Variants in STMN4 observed in about 807,000 individuals in gnomAD.
The protein encoded by STMN4 is stathmin 4, also known as stathmin-4.
A neutral mutation model predicts 29.1 loss-of-function variants in STMN4; 12 were observed. That is an observed-to-expected ratio of 0.41 (90% CI 0.26 to 0.67). The LOEUF is 0.67. Among genes scored for constraint, STMN4 ranks in the 30% least tolerant of loss-of-function variants. The pLI is 0.30. For missense variants in STMN4, 181 were observed against 262.8 expected (o/e 0.69, Z 2.15); for synonymous variants, 114 against 105.3 (o/e 1.08, Z -0.51).
At position 27,235,535 on chromosome 8, in the gene STMN4, A is replaced by G. The variant is rs1801291567; in HGVS notation, c.*1311T>C. On this transcript the variant is annotated 3_prime_UTR_variant, in exon 7 of 7. Coordinates refer to ENST00000350889, the MANE Select transcript of STMN4 (RefSeq NM_030795.4). ...CTGGATGCCTCCTTTGCCTTCTACT[A>G]GCAAACACTTTATTTCCTTGCTCGT... is the stretch of plus-strand genomic sequence containing the variant. The G allele has an allele frequency of 2.0e-5, 3 of 152,214 alleles. No homozygotes were observed. The highest frequency in any genetic ancestry group is 6.5e-5 in the Admixed American group (1 of 15,282). The allele number at this position is 152,214 out of a possible 1,614,324, so 9.4% of individuals were successfully genotyped here.
Position 27,240,799 on chromosome 8 carries a change from C to A in STMN4, c.399+255G>T, listed in dbSNP as rs186271127. Among the ~76,000 whole-genome samples the A allele has an allele frequency of 1.4e-4, 21 of 152,300 alleles. 1 individual carries two copies. The highest frequency in any genetic ancestry group is 5.9e-4 in the Admixed American group (9 of 15,298). ...TGTCAGTCTTATTTTTGCCACCATG[C>A]ATATAGGGCCACCTCTTGGAGGAAC... On this transcript the variant is annotated intron_variant, in intron 5 of 6. Transcript: ENST00000350889.
chr8:27,253,196 T>C (rs928502611), intron 1 of STMN4, among the ~76,000 whole-genome samples: 8 of 152,264 alleles, frequency 5.3e-5, no homozygotes, highest in Admixed American at 2.6e-4. Context: ...GCCAAGCTTC[T>C]GGCCCACATT....
In STMN4 at chr8:27,236,729, C is replaced by T. The variant is rs773847801; in HGVS notation, c.*117G>A. ...CAAAAGCAGAGGAAACGCCCCTTGG[C>T]CACCCCCCTCCCCCCAAACCCCAGT... On this transcript the variant is annotated 3_prime_UTR_variant, in exon 7 of 7. Transcript: ENST00000350889. 5 of 898,520 alleles carry T rather than the reference C, an allele frequency of 5.6e-6. No individual in the cohort carries two copies. The highest frequency in any genetic ancestry group is 8.0e-6 in the Non-Finnish European group (5 of 624,368). 55.7% of individuals were successfully genotyped at this position (898,520 alleles called of 1,614,324 possible). A position where few individuals can be genotyped will look rare whatever the true frequency, so the allele number is the denominator to read the frequency against.
chr8:27,254,020 C>G (rs932343092), intron 1 of STMN4, among the ~76,000 whole-genome samples: 1 of 152,124 alleles, frequency 6.6e-6, no homozygotes, highest in Non-Finnish European at 1.5e-5. Context: ...CGACCTCAAA[C>G]GATTTGCCCA....
intron 3 of STMN4, chr8:27,242,022 A>G (rs765556503): frequency 7.9e-5 from 45 of 571,374 alleles, no homozygotes; most frequent in Non-Finnish European, 1.2e-4. Flanking sequence ...CCCAGAGGAG[A>G]CCTGTTGACC....
intron 1 of STMN4, among the ~76,000 whole-genome samples, chr8:27,252,906 C>T (rs1801833645): frequency 6.6e-6 from 1 of 152,218 alleles, no homozygotes; most frequent in Admixed American, 6.5e-5. Context: ...AAATTCTCAC[C>T]ATTATATCTA....
intron 1 of STMN4, among the ~76,000 whole-genome samples, chr8:27,249,719 TC>T (rs1801730681): frequency 6.6e-6 from 1 of 152,076 alleles, no homozygotes; most frequent in Admixed American, 6.5e-5. Flanking sequence ...AACCCACACT[TC>T]CAGGCTTTCC....
chr8:27,242,965 C>A (rs1464824927), intron 2 of STMN4, among the ~76,000 whole-genome samples: 1 of 152,190 alleles, frequency 6.6e-6, no homozygotes, highest in Non-Finnish European at 1.5e-5. Context: ...CACCACCATC[C>A]CTCTGGTCTG....
Position 27,243,695 on chromosome 8 carries a change from T to C in STMN4, c.13+16A>G. 2 of 1,613,822 alleles carry C rather than the reference T, an allele frequency of 1.2e-6. No homozygotes were observed. The highest frequency in any genetic ancestry group is 1.7e-6 in the Non-Finnish European group (2 of 1,179,744). On this transcript the variant is annotated intron_variant, in intron 2 of 6. Coordinates refer to ENST00000350889, the MANE Select transcript of STMN4 (RefSeq NM_030795.4). The stretch of plus-strand genomic sequence containing the variant: ...GGAATAGCCTACGCCCCTTAACACA[T>C]GGTTTTTGTACCTACCAGCAAGGGT...
intron 2 of STMN4, among the ~76,000 whole-genome samples, chr8:27,243,302 G>T (rs1256322117): frequency 6.6e-6 from 1 of 152,104 alleles, no homozygotes; most frequent in Non-Finnish European, 1.5e-5. Context: ...TCAAACTCCT[G>T]GGCTCAAGCG....
chr8:27,251,798 C>CT (rs1184937751), intron 1 of STMN4, among the ~76,000 whole-genome samples: 2 of 16,694 alleles, frequency 1.2e-4, no homozygotes. Flanking sequence ...TTTTTGCCAT[C>CT]TTTTTTTTTC....
chr8:27,240,637 G>A (rs1264972590), intron 5 of STMN4, among the ~76,000 whole-genome samples: 4 of 152,202 alleles, frequency 2.6e-5, no homozygotes, highest in South Asian at 2.1e-4. Context: ...CATAGAAGAC[G>A]GTATCAGAAT....
chr8:27,249,258 C>T (rs973024257), intron 1 of STMN4, among the ~76,000 whole-genome samples: 9 of 152,022 alleles, frequency 5.9e-5, no homozygotes, highest in Non-Finnish European at 8.8e-5. Flanking sequence ...TCAGAGCCCT[C>T]GATTTCACCC....
chr8:27,250,979 T>C (rs1377527622), intron 1 of STMN4, among the ~76,000 whole-genome samples: 2 of 151,970 alleles, frequency 1.3e-5, no homozygotes, highest in Non-Finnish European at 2.9e-5. Context: ...CTGAGTGCGA[T>C]GGCTCATGCC....
At chr8:27,251,259 T>TC (rs1366026511) in intron 1 of STMN4, among the ~76,000 whole-genome samples, 1 of 149,536 alleles carries the variant, frequency 6.7e-6, no homozygotes. Flanking sequence ...TCTCAAAAAA[T>TC]AAATATATAT....
At chr8:27,240,271 C>T in intron 5 of STMN4, 109 bp from the exon 6 acceptor site, 1 of 1,225,072 alleles carries the variant, frequency 8.2e-7, no homozygotes, top group Non-Finnish European at 1.1e-6. Flanking sequence ...CCTCCCTGGG[C>T]CTGGTCCCCA....
chr8:27,249,259 G>A (rs761931947), intron 1 of STMN4, among the ~76,000 whole-genome samples: 2 of 152,200 alleles, frequency 1.3e-5, no homozygotes, highest in African/African-American at 4.8e-5. Context: ...CAGAGCCCTC[G>A]ATTTCACCCA....
intron 6 of STMN4, among the ~76,000 whole-genome samples, chr8:27,238,645 C>T (rs1251328121): frequency 6.6e-6 from 1 of 152,258 alleles, no homozygotes; most frequent in Non-Finnish European, 1.5e-5. Context: ...AGGACAATCA[C>T]AGGCTGGTCT....
At chr8:27,247,254 C>CAAA (rs150260843) in intron 1 of STMN4, among the ~76,000 whole-genome samples, 48,704 of 107,104 alleles carry the variant, frequency 0.45, 10,539 homozygotes, top group Middle Eastern at 0.55. Flanking sequence ...GACTTTGTCT[C>CAAA]AAAAAAAAAA....
Sources: allele counts gnomAD v4.1 joint callset (sites outside exome capture counted in the v4.1 genomes callset), GRCh38; gene constraint gnomAD v4.1.1; transcripts MANE v1.5; gene names NCBI Gene and HGNC (gene_info 2026-07-23, HGNC 2026-07-21).